Variants in RP1L1 observed in about 807,000 individuals in gnomAD.
RP1L1 encodes the protein retinitis pigmentosa 1-like 1 protein.
Under a neutral mutation model 15.7 loss-of-function variants are expected in RP1L1, and 27 were observed. The observed-to-expected ratio is 1.72, with a 90% CI of 1.27 to 2.38. The LOEUF (loss-of-function observed/expected upper bound fraction) is 2.38, where lower values mean the gene tolerates loss of function less well. RP1L1 is among the 30% of genes most tolerant of loss of function. The pLI, the probability that RP1L1 is intolerant of heterozygous loss-of-function variation, is 0.00. For synonymous variants in RP1L1, 1,813 were observed against 1,276.7 expected (o/e 1.42, Z -8.96); for missense variants, 4,798 against 3,075.9 (o/e 1.56, Z -13.24).
rs1208863178 is a variant in RP1L1, at chr8:10,631,318, C to CACAA, written c.-19-8099_-19-8098insTTGT. Among the ~76,000 whole-genome samples the CACAA allele has an allele frequency of 3.6e-4, 30 of 83,898 alleles. 1 individual carries two copies. The highest frequency in any genetic ancestry group is 8.5e-4 in the African/African-American group (28 of 33,054). The allele number at this position is 83,898 out of a possible 152,430, so 55.0% of individuals were successfully genotyped here. A position where few individuals can be genotyped will look rare whatever the true frequency, so the allele number is the denominator to read the frequency against. ...ACAAACACGCATGCACACACACGCA[C>CACAA]ACACGCACACACACATGCACACACA... On this transcript the variant is annotated intron_variant, in intron 1 of 3. Transcript: ENST00000382483.
chr8:10,637,019 G>A (rs1048044155), intron 1 of RP1L1, among the ~76,000 whole-genome samples: 1 of 152,222 alleles, frequency 6.6e-6, no homozygotes, highest in Non-Finnish European at 1.5e-5. Flanking sequence ...AGTGTACAAA[G>A]CATCGTCACT....
In RP1L1 at chr8:10,612,281, AC is replaced by A; in HGVS notation, c.1816del (p.Val606Ter). ...GCCCAGAACCAGAGGCTCCCTTGTC[AC>A]AGCCGCTCCCGTGGCCTGCTCGGTG... ...QGTEQATGAAVTREPLVLGLS... is the reference protein window; with the variant it reads ...QGTEQATGAAXTREPLVLGLS... On this transcript the variant is annotated frameshift_variant, in exon 4 of 4. Transcript: ENST00000382483. LOFTEE classifies it low-confidence loss of function (END_TRUNC). 6.2e-7 allele frequency: 1 copy of A among 1,613,132 alleles called. No homozygotes were observed. Among genetic ancestry groups the A allele is most frequent in the Non-Finnish European group, 8.5e-7 (1 of 1,180,006 alleles).
intron 1 of RP1L1, among the ~76,000 whole-genome samples, chr8:10,649,968 G>A (rs1281169382): frequency 2.0e-5 from 3 of 152,184 alleles, no homozygotes; most frequent in Non-Finnish European, 2.9e-5. Flanking sequence ...CCAGCCACAG[G>A]AGTTGAATAT....
chr8:10,617,898 T>G (rs534107794), intron 2 of RP1L1, among the ~76,000 whole-genome samples: 108 of 152,258 alleles, frequency 7.1e-4, no homozygotes, highest in African/African-American at 2.5e-3. Flanking sequence ...CTTCTTTGAT[T>G]TGGACTCCTG....
rs746626880 is a variant in RP1L1, at chr8:10,608,473, C to T, written c.5625G>A (p.Glu1875=). Residue 1875 remains glutamate (E), a synonymous_variant, in exon 4 of 4, where the codon GAG becomes GAA. Transcript: ENST00000382483. Reference sequence around the variant, plus strand: ...GGGCCTCTCCTTCTGCCTCTGGGGCCTCTACATCTTCTGACTCTGGCTGGG... The same window carrying T: ...GGGCCTCTCCTTCTGCCTCTGGGGCTTCTACATCTTCTGACTCTGGCTGGG... ...GEAQPESEDV[E]APEAEGEAQP... 1.6e-5 allele frequency: 25 copies of T among 1,604,766 alleles called. No individual in the cohort carries two copies. Among genetic ancestry groups the T allele is most frequent in the Non-Finnish European group, 2.0e-5 (23 of 1,176,370 alleles).
At chr8:10,650,687 G>A (rs993100885) in intron 1 of RP1L1, among the ~76,000 whole-genome samples, 10 of 151,862 alleles carry the variant, frequency 6.6e-5, no homozygotes, top group South Asian at 6.3e-4. Context: ...TCAGCCTCCC[G>A]AGTAGCTGCA....
rs775708703 is a variant in RP1L1, at chr8:10,611,991, G to A, written c.2107C>T (p.Arg703Ter). ...GTGCTCGATGAGCTTCCAGAATATC[G>A]TGGCACTGAGCCATCCTGGCAGGCC... ...RRACQDGSVP[R>*]YSGSSSSTRT... Residue 703 changes from arginine to a stop codon, truncating the protein, a stop_gained, in exon 4 of 4, where the codon CGA becomes TGA. Coordinates refer to ENST00000382483, the MANE Select transcript of RP1L1 (RefSeq NM_178857.6). LOFTEE classifies it low-confidence loss of function (END_TRUNC). 13 of 1,613,760 alleles carry A rather than the reference G, an allele frequency of 8.1e-6. No individual in the cohort carries two copies. The highest frequency in any genetic ancestry group is 5.1e-6 in the Non-Finnish European group (6 of 1,180,048).
rs767508338 is a variant in RP1L1 at position 10,611,492 on chromosome 8, C to G, written c.2606G>C (p.Ser869Thr). Residue 869 changes from serine to threonine, a missense_variant, in exon 4 of 4, where the codon AGC becomes ACC. Transcript: ENST00000382483. ...GTGGCTGCTGCCGGTGCTCCCACAGCTGGAAGAGCGCCTCTGGGGGCAGGG... is the reference window on the plus strand; with the variant it reads ...GTGGCTGCTGCCGGTGCTCCCACAGGTGGAAGAGCGCCTCTGGGGGCAGGG... ...GRPCPQRRSS[S>T]CGSTGSSHQS... 2.5e-6 allele frequency: 4 copies of G among 1,573,456 alleles called. No individual in the cohort carries two copies. The highest frequency in any genetic ancestry group is 1.1e-5 in the South Asian group (1 of 87,298).
At position 10,611,328 on chromosome 8, in the gene RP1L1, C is replaced by G. The variant is rs752935664; in HGVS notation, c.2770G>C (p.Glu924Gln). The G allele has an allele frequency of 6.2e-7, 1 of 1,612,652 alleles. No individual in the cohort carries two copies. ...CCCCCACTCCTCAAGGTCTTCTCCT[C>G]GGACAGCCCCCGAGACCCCGCACCC... ...SQGAGSRGLSEEKTLRSGGGP... is the reference protein window; with the variant it reads ...SQGAGSRGLSQEKTLRSGGGP... Residue 924 changes from glutamate (E) to glutamine (Q), a missense_variant, in exon 4 of 4, where the codon GAG becomes CAG. By Grantham distance (29) the Glu-to-Gln change is conservative. Transcript: ENST00000382483.
intron 1 of RP1L1, among the ~76,000 whole-genome samples, chr8:10,625,893 G>A (rs1173647394): frequency 2.6e-5 from 4 of 152,092 alleles, no homozygotes; most frequent in Non-Finnish European, 2.9e-5. Context: ...GTCAGTGCAG[G>A]TGGGGGGCAG....
At chr8:10,628,972 T>C (rs1460300191) in intron 1 of RP1L1, among the ~76,000 whole-genome samples, 2 of 152,242 alleles carry the variant, frequency 1.3e-5, no homozygotes, top group Non-Finnish European at 2.9e-5. Flanking sequence ...TGCAGCCTCG[T>C]CAGAGCTCCC....
chr8:10,654,327 G>A (rs531981348), intron 1 of RP1L1, among the ~76,000 whole-genome samples: 2 of 152,176 alleles, frequency 1.3e-5, no homozygotes, highest in South Asian at 4.1e-4. Flanking sequence ...CAGCCTTGAA[G>A]CTGGGTAGAG....
chr8:10,631,588 C>G (rs1342694734), intron 1 of RP1L1, among the ~76,000 whole-genome samples: 2 of 152,212 alleles, frequency 1.3e-5, no homozygotes, highest in Non-Finnish European at 2.9e-5. Context: ...CGGGAAATCC[C>G]ACTGAACAAA....
At chr8:10,651,885 A>G (rs978387815) in intron 1 of RP1L1, among the ~76,000 whole-genome samples, 12 of 152,192 alleles carry the variant, frequency 7.9e-5, no homozygotes, top group Non-Finnish European at 1.5e-4. Context: ...CATCAATGAC[A>G]GTGCCCCATG....
At position 10,611,317 on chromosome 8, in the gene RP1L1, G is replaced by A. The variant is rs755358347; in HGVS notation, c.2781C>T (p.Thr927=). Residue 927 remains threonine (T), a synonymous_variant, in exon 4 of 4, where the codon ACC becomes ACT. Coordinates refer to ENST00000382483, the MANE Select transcript of RP1L1 (RefSeq NM_178857.6). ...AGSRGLSEEK[T]LRSGGGPQGQ... ...CCTGGGGGCCTCCCCCACTCCTCAA[G>A]GTCTTCTCCTCGGACAGCCCCCGAG... The A allele has an allele frequency of 1.2e-6, 2 of 1,612,772 alleles. No homozygotes were observed. The highest frequency in any genetic ancestry group is 1.7e-6 in the Non-Finnish European group (2 of 1,180,006).
Position 10,610,331 on chromosome 8 carries a change from C to T in RP1L1, c.3767G>A (p.Cys1256Tyr). Reference protein sequence around the residue: ...SPGDLENQQQCCFPTFLNARA... With the variant: ...SPGDLENQQQYCFPTFLNARA... ...GGCGTTCAAGAAGGTTGGGAAACAA[C>T]ACTGCTGTTGGTTTTCCAGATCCCC... The change falls in exon 4 of 4, where the codon TGT becomes TAT. Residue 1256 changes from cysteine to tyrosine, a missense_variant. By Grantham distance (194) the Cys-to-Tyr change is radical. Coordinates refer to ENST00000382483, the MANE Select transcript of RP1L1 (RefSeq NM_178857.6). The T allele has an allele frequency of 6.2e-7, 1 of 1,614,196 alleles. No individual in the cohort carries two copies. The highest frequency in any genetic ancestry group is 8.5e-7 in the Non-Finnish European group (1 of 1,180,046).
At chr8:10,645,962 C>A (rs917365283) in intron 1 of RP1L1, among the ~76,000 whole-genome samples, 2 of 152,242 alleles carry the variant, frequency 1.3e-5, no homozygotes, top group Non-Finnish European at 2.9e-5. Flanking sequence ...TCCCTTCAAC[C>A]CCCTGCAGGC....
intron 1 of RP1L1, among the ~76,000 whole-genome samples, chr8:10,626,482 C>A (rs1316212364): frequency 6.6e-6 from 1 of 152,196 alleles, no homozygotes; most frequent in Non-Finnish European, 1.5e-5. Context: ...CAGCAGGGAG[C>A]TGGGTCCTTT....
chr8:10,607,840 A>G lies in RP1L1; in HGVS notation c.6258T>C (p.Asp2086=). 2.1e-6 allele frequency: 3 copies of G among 1,447,348 alleles called. No individual in the cohort carries two copies. Among genetic ancestry groups the G allele is most frequent in the Non-Finnish European group, 2.8e-6 (3 of 1,089,844 alleles). 89.7% of individuals were successfully genotyped at this position (1,447,348 alleles called of 1,614,324 possible). A position where few individuals can be genotyped will look rare whatever the true frequency, so the allele number is the denominator to read the frequency against. ...GEAHPESEDV[D]AQEAEGEAQP... is the part of the protein sequence containing the mutation. ...GGGCCTCCCCTTCTGCCTCCTGGGCATCTACATCTTCTGACTCTGGGTGGG... is the reference window on the plus strand; with the variant it reads ...GGGCCTCCCCTTCTGCCTCCTGGGCGTCTACATCTTCTGACTCTGGGTGGG... The change falls in exon 4 of 4, where the codon GAT becomes GAC. Residue 2086 remains aspartate, a synonymous_variant. Transcript: ENST00000382483.
Sources: allele counts gnomAD v4.1 joint callset (sites outside exome capture counted in the v4.1 genomes callset), GRCh38; gene constraint gnomAD v4.1.1; transcripts MANE v1.5; gene names NCBI Gene and HGNC (gene_info 2026-07-23, HGNC 2026-07-21).